Variants in PAPPA2 observed in about 807,000 individuals in gnomAD.
PAPPA2 encodes the protein pappalysin 2.
Under a neutral mutation model 176.4 loss-of-function variants are expected in PAPPA2, and 86 were observed. That is an observed-to-expected ratio of 0.49 (90% CI 0.41 to 0.58). PAPPA2 has a LOEUF of 0.58. Among genes scored for constraint, PAPPA2 ranks in the 20% least tolerant of loss-of-function variants. PAPPA2 has a pLI of 0.00. For missense variants in PAPPA2, 2,073 were observed against 2,256.9 expected (o/e 0.92, Z 1.65); for synonymous variants, 809 against 852.2 (o/e 0.95, Z 0.88).
chr1:176,843,722 C>T lies in PAPPA2; in HGVS notation c.*1268C>T, dbSNP rs750656057. 6.6e-5 allele frequency: 10 copies of T among 152,028 alleles called. No individual in the cohort carries two copies. The highest frequency in any genetic ancestry group is 1.3e-4 in the Non-Finnish European group (9 of 68,016). The allele number at this position is 152,028 out of a possible 1,614,324, so 9.4% of individuals were successfully genotyped here. On this transcript the variant is annotated 3_prime_UTR_variant, in exon 23 of 23. Transcript: ENST00000367662. Reference sequence around the variant, plus strand: ...AGGCAAGAGCTGTCAGGGTTAAATCCAGGCCCGGGCATGAGAATGGAAGTG... The same window carrying T: ...AGGCAAGAGCTGTCAGGGTTAAATCTAGGCCCGGGCATGAGAATGGAAGTG...
chr1:176,782,042 G>T (rs12117637), intron 17 of PAPPA2, among the ~76,000 whole-genome samples: 16,026 of 152,206 alleles, frequency 0.11, 904 homozygotes, highest in Non-Finnish European at 0.12. Context: ...GGGATCCTCA[G>T]CACAAATGCA....
At chr1:176,752,981 A>T (rs1663249877) in intron 14 of PAPPA2, among the ~76,000 whole-genome samples, 1 of 152,242 alleles carries the variant, frequency 6.6e-6, no homozygotes, top group Non-Finnish European at 1.5e-5. Context: ...TTGTTCATGG[A>T]GAATTCACTG....
At chr1:176,812,830 T>A (rs1439811817) in intron 21 of PAPPA2, among the ~76,000 whole-genome samples, 1 of 152,152 alleles carries the variant, frequency 6.6e-6, no homozygotes, top group East Asian at 1.9e-4. Context: ...AAGTGCAGGT[T>A]TGTTACATAG....
At chr1:176,473,845 T>G (rs961964398) in intron 1 of PAPPA2, among the ~76,000 whole-genome samples, 2 of 152,236 alleles carry the variant, frequency 1.3e-5, no homozygotes, top group Non-Finnish European at 2.9e-5. Flanking sequence ...TGGTGAGGTT[T>G]CTGTTCCAGT....
chr1:176,490,187 G>A (rs1390405869), intron 1 of PAPPA2, among the ~76,000 whole-genome samples: 1 of 150,654 alleles, frequency 6.6e-6, no homozygotes, highest in Non-Finnish European at 1.5e-5. Flanking sequence ...TTAATGATAA[G>A]CCTTTCTTCC....
chr1:176,675,977 C>A (rs760547938), intron 4 of PAPPA2, among the ~76,000 whole-genome samples: 10 of 151,884 alleles, frequency 6.6e-5, no homozygotes, highest in Non-Finnish European at 1.3e-4. Context: ...ATCTATGAAA[C>A]AATGTTCAAT....
chr1:176,537,136 A>G (rs925034757), intron 1 of PAPPA2, among the ~76,000 whole-genome samples: 1 of 152,330 alleles, frequency 6.6e-6, no homozygotes, highest in East Asian at 1.9e-4. Flanking sequence ...TTCTAAAGGA[A>G]ACTTTCTTTA....
chr1:176,620,674 T>C (rs1047212527), intron 3 of PAPPA2, among the ~76,000 whole-genome samples: 3 of 152,192 alleles, frequency 2.0e-5, no homozygotes, highest in Non-Finnish European at 4.4e-5. Context: ...CCTTAGAGCT[T>C]TAGTTTCCCA....
chr1:176,834,517 G>A (rs1571397278), intron 21 of PAPPA2, among the ~76,000 whole-genome samples: 1 of 152,196 alleles, frequency 6.6e-6, no homozygotes, highest in East Asian at 1.9e-4. Flanking sequence ...AAGTGTTTCT[G>A]GGCTGTAGGC....
chr1:176,581,922 C>CTTTTTT (rs538920194), intron 2 of PAPPA2, among the ~76,000 whole-genome samples: 12 of 80,994 alleles, frequency 1.5e-4, no homozygotes, highest in Non-Finnish European at 2.1e-4. Context: ...TTCTTTCTTT[C>CTTTTTT]TTTTTTTTTT....
At chr1:176,519,028 A>G (rs1204320945) in intron 1 of PAPPA2, among the ~76,000 whole-genome samples, 8 of 152,244 alleles carry the variant, frequency 5.3e-5, no homozygotes, top group African/African-American at 1.4e-4. Context: ...TATAAGACAT[A>G]CTAATATAAT....
intron 14 of PAPPA2, among the ~76,000 whole-genome samples, chr1:176,747,985 G>A (rs1662984336): frequency 3.3e-5 from 5 of 152,180 alleles, no homozygotes; most frequent in Admixed American, 3.3e-4. Context: ...TTTCTTCAAA[G>A]CCAACAAGAC....
intron 2 of PAPPA2, among the ~76,000 whole-genome samples, chr1:176,559,353 A>AC (rs1317035292): frequency 2.0e-5 from 3 of 152,138 alleles, no homozygotes; most frequent in Non-Finnish European, 4.4e-5. Flanking sequence ...TCTCATCTCC[A>AC]CTTACCACTC....
At chr1:176,551,077 G>A (rs1228181625) in intron 1 of PAPPA2, among the ~76,000 whole-genome samples, 1 of 152,132 alleles carries the variant, frequency 6.6e-6, no homozygotes, top group East Asian at 1.9e-4. Context: ...CTTAGTGCTT[G>A]TTCCCTTACC....
intron 21 of PAPPA2, among the ~76,000 whole-genome samples, chr1:176,823,437 G>A (rs1666739159): frequency 6.6e-6 from 1 of 152,114 alleles, no homozygotes; most frequent in South Asian, 2.1e-4. Context: ...AAGCAATTTG[G>A]GCTTTATTCT....
intron 3 of PAPPA2, among the ~76,000 whole-genome samples, chr1:176,650,176 G>A (rs1657636885): frequency 6.6e-6 from 1 of 151,222 alleles, no homozygotes; most frequent in Admixed American, 6.6e-5. Context: ...TACAGTCTTT[G>A]ATTTGTAGTA....
At chr1:176,614,599 C>T (rs761182035) in intron 3 of PAPPA2, among the ~76,000 whole-genome samples, 4 of 152,086 alleles carry the variant, frequency 2.6e-5, no homozygotes, top group Non-Finnish European at 5.9e-5. Context: ...TGATTTAGTC[C>T]ATTATTTCAT....
chr1:176,594,434 T>C, intron 2 of PAPPA2, 90 bp from the exon 3 acceptor site: 2 of 1,121,296 alleles, frequency 1.8e-6, no homozygotes, highest in Non-Finnish European at 2.5e-6. Context: ...ACCTGCATTC[T>C]TGTTATTTAC....
At chr1:176,618,805 G>A (rs186400817) in intron 3 of PAPPA2, among the ~76,000 whole-genome samples, 15 of 152,208 alleles carry the variant, frequency 9.9e-5, no homozygotes, top group Admixed American at 3.3e-4. Context: ...TAGAAACCAC[G>A]AATAGTAAAA....
Sources: gnomAD v4.1 joint callset for allele counts (sites outside exome capture counted in the v4.1 genomes callset) on GRCh38, gnomAD v4.1.1 for gene constraint, MANE v1.5 for transcripts, NCBI Gene and HGNC (gene_info 2026-07-23, HGNC 2026-07-21) for gene names.